Variants in RCAN2 observed in about 807,000 individuals in gnomAD.
The protein encoded by RCAN2 is calcipressin-2.
Under a neutral mutation model 23.6 loss-of-function variants are expected in RCAN2, and 9 were observed. The observed-to-expected ratio is 0.38, with a 90% CI of 0.23 to 0.67. RCAN2 has a LOEUF of 0.67. Ranked by LOEUF, RCAN2 falls within the 30% of genes least tolerant of loss-of-function variation. The probability of loss-of-function intolerance (pLI) is 0.51; values close to 1 mark genes in which losing one functional copy is unlikely to be tolerated. For synonymous variants in RCAN2, 109 were observed against 115.7 expected (o/e 0.94, Z 0.37); for missense variants, 273 against 302.3 (o/e 0.90, Z 0.72).
At chr6:46,262,911 G>A (rs1004990165) in intron 2 of RCAN2, among the ~76,000 whole-genome samples, 1 of 152,130 alleles carries the variant, frequency 6.6e-6, no homozygotes, top group Non-Finnish European at 1.5e-5. Context: ...TCAAGTCCTA[G>A]CTCATATCTC....
intron 2 of RCAN2, among the ~76,000 whole-genome samples, chr6:46,428,894 C>A (rs1199086720): frequency 6.6e-6 from 1 of 152,164 alleles, no homozygotes; most frequent in Non-Finnish European, 1.5e-5. Flanking sequence ...TTCTCTTCTA[C>A]CATGGTTTAT....
At chr6:46,250,022 A>G (rs1490327185) in intron 2 of RCAN2, among the ~76,000 whole-genome samples, 1 of 152,210 alleles carries the variant, frequency 6.6e-6, no homozygotes, top group African/African-American at 2.4e-5. Context: ...TTTAGACTCA[A>G]TACACAATTT....
At chr6:46,403,061 C>T (rs1229780797) in intron 2 of RCAN2, among the ~76,000 whole-genome samples, 2 of 151,832 alleles carry the variant, frequency 1.3e-5, no homozygotes, top group African/African-American at 4.8e-5. Flanking sequence ...GCCTCCCATG[C>T]TTACACCATT....
At chr6:46,343,189 A>G (rs1288243636) in intron 2 of RCAN2, among the ~76,000 whole-genome samples, 6 of 152,094 alleles carry the variant, frequency 3.9e-5, no homozygotes, top group Admixed American at 3.3e-4. Context: ...AGGAATTACT[A>G]TTGACTTCTT....
At chr6:46,469,392 C>T (rs182979432) in intron 1 of RCAN2, among the ~76,000 whole-genome samples, 1 of 152,312 alleles carries the variant, frequency 6.6e-6, no homozygotes, top group African/African-American at 2.4e-5. Context: ...GACCAGTTCA[C>T]CACATCCCTC....
intron 2 of RCAN2, among the ~76,000 whole-genome samples, chr6:46,364,799 T>G (rs1304218305): frequency 1.3e-5 from 2 of 152,068 alleles, no homozygotes; most frequent in Non-Finnish European, 1.5e-5. Context: ...TTCCCTGGAG[T>G]CCTTGGCATG....
At chr6:46,454,762 C>T (rs539132547) in intron 2 of RCAN2, among the ~76,000 whole-genome samples, 2 of 152,288 alleles carry the variant, frequency 1.3e-5, no homozygotes, top group Non-Finnish European at 2.9e-5. Context: ...GCACAAACTT[C>T]GTATACACAT....
chr6:46,224,163 T>C (rs904072535), intron 4 of RCAN2, among the ~76,000 whole-genome samples: 2 of 152,114 alleles, frequency 1.3e-5, no homozygotes, highest in African/African-American at 4.8e-5. Context: ...TGGCAGCTGA[T>C]CTGGGTCTAA....
rs372688487 is a variant in RCAN2 at position 46,400,542 on chromosome 6, C to G, written c.225+56210G>C. On this transcript the variant is annotated intron_variant, in intron 2 of 4. Transcript: ENST00000371374. ...TTCCACTAGAGAAAGTAGTGAATACCAGACATGCCAAACTCGAAAGAACTT... is the reference window on the plus strand; with the variant it reads ...TTCCACTAGAGAAAGTAGTGAATACGAGACATGCCAAACTCGAAAGAACTT... Among the ~76,000 whole-genome samples the G allele has an allele frequency of 3.5e-4, 53 of 152,248 alleles. No individual in the cohort carries two copies. In the East Asian group the frequency reaches 7.1e-3, roughly 21 times the overall value.
At chr6:46,263,016 C>A (rs987133969) in intron 2 of RCAN2, among the ~76,000 whole-genome samples, 1 of 152,172 alleles carries the variant, frequency 6.6e-6, no homozygotes, top group Non-Finnish European at 1.5e-5. Flanking sequence ...AATGTGCCAT[C>A]ATTAACTGGA....
chr6:46,484,955 C>A (rs1768958260), intron 1 of RCAN2, among the ~76,000 whole-genome samples: 2 of 152,192 alleles, frequency 1.3e-5, no homozygotes, highest in African/African-American at 2.4e-5. Context: ...GAGGTGACAT[C>A]TGTATTCTCC....
chr6:46,458,925 CTT>C (rs768268778), intron 1 of RCAN2, among the ~76,000 whole-genome samples: 19 of 152,114 alleles, frequency 1.2e-4, no homozygotes, highest in African/African-American at 3.9e-4. Context: ...GAGTTTTGCT[CTT>C]GTCGCCCAGG....
intron 2 of RCAN2, among the ~76,000 whole-genome samples, chr6:46,254,413 C>T: frequency 6.6e-6 from 1 of 152,166 alleles, no homozygotes; most frequent in Middle Eastern, 3.4e-3. Flanking sequence ...GCAGGAAGGT[C>T]AAATAGGGTG....
chr6:46,448,813 T>C (rs949495857), intron 2 of RCAN2, among the ~76,000 whole-genome samples: 3 of 151,848 alleles, frequency 2.0e-5, no homozygotes, highest in Non-Finnish European at 3.0e-5. Flanking sequence ...AATTTAGTTG[T>C]CAAAGGAATG....
In RCAN2 at chr6:46,432,578, T is replaced by C. The variant is rs150068274; in HGVS notation, c.225+24174A>G. On this transcript the variant is annotated intron_variant, in intron 2 of 4. Transcript: ENST00000371374. ...GGTGTGCTTCATCAAAAGTCATCAA[T>C]ATCTTTAGAAGCAATGCTGTTTCTA... Among the ~76,000 whole-genome samples, 290 of 152,290 alleles carry C rather than the reference T, an allele frequency of 1.9e-3. 2 individuals carry two copies. Among genetic ancestry groups the C allele is most frequent in the African/African-American group, 6.5e-3 (271 of 41,554 alleles).
intron 2 of RCAN2, among the ~76,000 whole-genome samples, chr6:46,416,762 T>C (rs760713488): frequency 6.6e-6 from 1 of 152,094 alleles, no homozygotes; most frequent in Non-Finnish European, 1.5e-5. Context: ...GCTCAAGCGA[T>C]CCGCCCACCT....
intron 2 of RCAN2, among the ~76,000 whole-genome samples, chr6:46,359,484 G>C (rs1764937164): frequency 6.6e-6 from 1 of 152,150 alleles, no homozygotes; most frequent in Non-Finnish European, 1.5e-5. Flanking sequence ...AGAAATATTG[G>C]AGCACATGCT....
chr6:46,482,483 G>A (rs1035350050), intron 1 of RCAN2, among the ~76,000 whole-genome samples: 1 of 152,132 alleles, frequency 6.6e-6, no homozygotes, highest in Admixed American at 6.5e-5. Flanking sequence ...TGCTGTTGTG[G>A]TCTGTTGGGA....
At chr6:46,426,403 A>G (rs1164470151) in intron 2 of RCAN2, among the ~76,000 whole-genome samples, 1 of 152,202 alleles carries the variant, frequency 6.6e-6, no homozygotes, top group African/African-American at 2.4e-5. Context: ...TATTAAAGAC[A>G]CAGGAATTTT....
Sources: allele counts gnomAD v4.1 joint callset (sites outside exome capture counted in the v4.1 genomes callset), GRCh38; gene constraint gnomAD v4.1.1; transcripts MANE v1.5; gene names NCBI Gene and HGNC (gene_info 2026-07-23, HGNC 2026-07-21).